The following PLAT variants were observed in gnomAD, a reference collection of about 807,000 sequenced individuals.
PLAT encodes tissue-type plasminogen activator.
A neutral mutation model predicts 74.9 loss-of-function variants in PLAT; 48 were observed. The observed-to-expected ratio is 0.64, with a 90% CI of 0.51 to 0.82. The LOEUF (loss-of-function observed/expected upper bound fraction) is 0.82, where lower values mean the gene tolerates loss of function less well. Ranked by LOEUF, PLAT falls within the 40% of genes least tolerant of loss-of-function variation. PLAT has a pLI of 0.00. For missense variants in PLAT, 673 were observed against 736.2 expected, an observed-to-expected ratio of 0.91 and a Z score of 0.99; for synonymous variants, 307 against 294.4, an observed-to-expected ratio of 1.04 and a Z score of -0.44.
intron 6 of PLAT, chr8:42,187,195 T>G: frequency 2.1e-6 from 1 of 483,728 alleles, no homozygotes; most frequent in Non-Finnish European, 3.7e-6. Context: ...GTATCATCTA[T>G]TTATCTAATC....
At chr8:42,197,325 G>A (rs908518203) in intron 1 of PLAT, among the ~76,000 whole-genome samples, 2 of 152,184 alleles carry the variant, frequency 1.3e-5, no homozygotes, top group Non-Finnish European at 2.9e-5. Context: ...CCTGGAAGCC[G>A]TGTTTGGTCT....
rs919839667 is a variant in PLAT at position 42,198,636 on chromosome 8, G to C, written c.-26-5425C>G. 7.2e-5 allele frequency among the ~76,000 whole-genome samples: 11 copies of C among 152,348 alleles called. No individual in the cohort carries two copies. In the East Asian group the frequency reaches 2.1e-3, roughly 29 times the overall value. On this transcript the variant is annotated intron_variant, in intron 1 of 13. Transcript: ENST00000220809. ...TTGCCAGCAAGAAGAAGGCAGAAAC[G>C]TGAGCAAGCTAGAGGAGGAGGGAAA...
chr8:42,181,481 AGCGAGCTTGG>A (rs1027054341), intron 9 of PLAT, among the ~76,000 whole-genome samples: 1 of 152,238 alleles, frequency 6.6e-6, no homozygotes, highest in African/African-American at 2.4e-5. Flanking sequence ...CCCGGTGCCC[AGCGAGCTTGG>A]GCAGGCCACC....
intron 6 of PLAT, chr8:42,185,867 T>G (rs1228491679): frequency 1.3e-5 from 2 of 152,242 alleles, no homozygotes; most frequent in Non-Finnish European, 2.9e-5. Context: ...GTCCAATCAC[T>G]TAAAGGCCTT....
At position 42,182,909 on chromosome 8, in the gene PLAT, C is replaced by T. The variant is rs777010805; in HGVS notation, c.632-19G>A. On this transcript the variant is annotated intron_variant, in intron 7 of 13. Coordinates refer to ENST00000220809, the MANE Select transcript of PLAT (RefSeq NM_000930.5). Reference sequence around the variant, plus strand: ...CTGTTTCCTAGAAGAAAAGAATTCTCAAACTGAAACAAAAACAAATTCTGA... The same window carrying T: ...CTGTTTCCTAGAAGAAAAGAATTCTTAAACTGAAACAAAAACAAATTCTGA... 6.9e-6 allele frequency: 11 copies of T among 1,595,504 alleles called. No individual in the cohort carries two copies. The highest frequency in any genetic ancestry group is 2.2e-5 in the South Asian group (2 of 89,418).
Position 42,194,241 on chromosome 8 carries a change from A to AGAGAGAGAGAGT in PLAT, c.-26-1031_-26-1030insACTCTCTCTCTC, listed in dbSNP as rs1419569830. On this transcript the variant is annotated intron_variant, in intron 1 of 13. Coordinates refer to ENST00000220809, the MANE Select transcript of PLAT (RefSeq NM_000930.5). ...GAGAGAGAGAGAGAGAGAGAGAGAG[A>AGAGAGAGAGAGT]GTGTGTGTGTGTGTGTGTGTGTGTG... Among the ~76,000 whole-genome samples the AGAGAGAGAGAGT allele has an allele frequency of 7.9e-3, 413 of 52,550 alleles. 6 individuals carry two copies. Among genetic ancestry groups the AGAGAGAGAGAGT allele is most frequent in the African/African-American group, 0.026 (391 of 14,856 alleles). The allele number at this position is 52,550 out of a possible 152,430, so 34.5% of individuals were successfully genotyped here. A position where few individuals can be genotyped will look rare whatever the true frequency, so the allele number is the denominator to read the frequency against.
intron 12 of PLAT, 37 bp downstream of exon 12, chr8:42,179,889 C>T (rs756449177): frequency 4.6e-6 from 7 of 1,528,298 alleles, no homozygotes; most frequent in South Asian, 1.3e-5. Context: ...CCTGCTGTCC[C>T]GCAGACAGGA....
rs778193644 is a variant in PLAT at position 42,179,988 on chromosome 8, G to T, written c.1301C>A (p.Ala434Glu). 8.7e-6 allele frequency: 14 copies of T among 1,608,482 alleles called. No homozygotes were observed. The highest frequency in any genetic ancestry group is 8.4e-5 in the Admixed American group (5 of 59,192). ...CGTCCAGTCCGGCAGCTGCAGGTCC[G>T]CCGGGGGAAGGCACACAGTGCGGAC... ...SVVRTVCLPPADLQLPDWTEC... is the reference protein window; with the variant it reads ...SVVRTVCLPPEDLQLPDWTEC... The change falls in exon 12 of 14, where the codon GCG (alanine) becomes GAG (glutamate). Residue 434 changes from alanine to glutamate, a missense_variant. By Grantham distance (107) the Ala-to-Glu change is moderately radical (BLOSUM62 -1). Transcript: ENST00000220809.
intron 1 of PLAT, among the ~76,000 whole-genome samples, chr8:42,194,239 AGAGTGTGTGTGTGT>A (rs59587008): frequency 0.31 from 32,864 of 104,370 alleles, 4,942 homozygotes; most frequent in Admixed American, 0.46. Context: ...AGAGAGAGAG[AGAGTGTGTGTGTGT>A]GTGTGTGTGT....
At chr8:42,181,705 G>A (rs576052156) in intron 9 of PLAT, among the ~76,000 whole-genome samples, 3 of 152,272 alleles carry the variant, frequency 2.0e-5, no homozygotes, top group African/African-American at 7.2e-5. Flanking sequence ...TTCTCAGAGA[G>A]GTTGCTGTGT....
At chr8:42,195,252 T>G (rs1381154818) in intron 1 of PLAT, among the ~76,000 whole-genome samples, 1 of 152,054 alleles carries the variant, frequency 6.6e-6, no homozygotes, top group Non-Finnish European at 1.5e-5. Flanking sequence ...CTGATCACCC[T>G]CCTTGCCTCG....
At chr8:42,180,156 A>G in intron 11 of PLAT, 86 bp downstream of exon 11, 1 of 1,588,322 alleles carries the variant, frequency 6.3e-7, no homozygotes, top group Non-Finnish European at 8.6e-7. Context: ...CTGGAGGAGG[A>G]GGCCCGTGTG....
At chr8:42,187,666 C>G (rs1375972844) in intron 5 of PLAT, 94 bp from the exon 6 acceptor site, 2 of 1,235,068 alleles carry the variant, frequency 1.6e-6, no homozygotes, top group South Asian at 1.5e-5. Context: ...TCCCCCAGGC[C>G]TGATGCAGGC....
Position 42,175,345 on chromosome 8 carries a change from AGTT to A in PLAT, c.*645_*647del, listed in dbSNP as rs1804923741. The A allele has an allele frequency of 6.6e-6, 1 of 152,414 alleles. No homozygotes were observed. Among genetic ancestry groups the A allele is most frequent in the South Asian group, 2.1e-4 (1 of 4,832 alleles). 9.4% of individuals were successfully genotyped at this position (152,414 alleles called of 1,614,324 possible). Reference sequence around the variant, plus strand: ...GATTGCTATAAATATGCTGAAGCCTAGTTGTTCAAATGATACAATTCTCTCATG... The same window carrying A: ...GATTGCTATAAATATGCTGAAGCCTAGTTCAAATGATACAATTCTCTCATG... On this transcript the variant is annotated 3_prime_UTR_variant, in exon 14 of 14. Transcript: ENST00000220809.
intron 1 of PLAT, among the ~76,000 whole-genome samples, chr8:42,207,091 C>A (rs6980538): frequency 0.13 from 19,395 of 152,184 alleles, 2,632 homozygotes; most frequent in African/African-American, 0.35. Flanking sequence ...GGGGACCCAG[C>A]GGGCCCTCCC....
chr8:42,200,879 G>GGC (rs1806103992), intron 1 of PLAT, among the ~76,000 whole-genome samples: 1 of 151,782 alleles, frequency 6.6e-6, no homozygotes, highest in African/African-American at 2.4e-5. Flanking sequence ...GCCCAGGCTG[G>GGC]ATTGCAACGG....
chr8:42,206,284 G>GAATAAATTTA, intron 1 of PLAT, among the ~76,000 whole-genome samples: 1 of 152,222 alleles, frequency 6.6e-6, no homozygotes, highest in East Asian at 1.9e-4. Context: ...TAAATGGGTG[G>GAATAAATTTA]GCAGGATGGA....
chr8:42,185,218 G>T, intron 6 of PLAT, 46 bp from the exon 7 acceptor site: 1 of 1,286,638 alleles, frequency 7.8e-7, no homozygotes, highest in Non-Finnish European at 1.1e-6. Context: ...CAAAGGTGAA[G>T]CCTCTCCTTT....
chr8:42,196,401 T>A (rs8178714), intron 1 of PLAT, among the ~76,000 whole-genome samples: 1,865 of 152,186 alleles, frequency 0.012, 40 homozygotes, highest in African/African-American at 0.043. Context: ...GATAGCTCTG[T>A]CCGCATCACA....
Sources: allele counts gnomAD v4.1 joint callset (sites outside exome capture counted in the v4.1 genomes callset), GRCh38; gene constraint gnomAD v4.1.1; transcripts MANE v1.5; gene names NCBI Gene and HGNC (gene_info 2026-07-23, HGNC 2026-07-21).